The following CADPS2 variants were observed in gnomAD, a reference collection of about 807,000 sequenced individuals.
CADPS2 encodes calcium-dependent secretion activator 2.
CADPS2 carries 93 observed loss-of-function variants against 172.5 expected under a neutral mutation model. That is an observed-to-expected ratio of 0.54 (90% CI 0.46 to 0.64). CADPS2 has a LOEUF of 0.64. Among genes scored for constraint, CADPS2 ranks in the 30% least tolerant of loss-of-function variants. The probability of loss-of-function intolerance (pLI) is 0.00; values close to 1 mark genes in which losing one functional copy is unlikely to be tolerated. For synonymous variants in CADPS2, 546 were observed against 555.2 expected (o/e 0.98, Z 0.23); for missense variants, 1,420 against 1,565.9 (o/e 0.91, Z 1.57).
intron 2 of CADPS2, among the ~76,000 whole-genome samples, chr7:122,708,862 T>G (rs1373787963): frequency 6.6e-6 from 1 of 151,798 alleles, no homozygotes; most frequent in Non-Finnish European, 1.5e-5. Context: ...AAATTCACAT[T>G]GTAGTCTTTG....
intron 6 of CADPS2, among the ~76,000 whole-genome samples, chr7:122,596,098 T>G (rs2071728174): frequency 6.6e-6 from 1 of 152,118 alleles, no homozygotes; most frequent in South Asian, 2.1e-4. Flanking sequence ...TGCTGGTTCC[T>G]GTGAGCACTA....
At chr7:122,474,003 C>G (rs754215860) in intron 13 of CADPS2, among the ~76,000 whole-genome samples, 3 of 152,164 alleles carry the variant, frequency 2.0e-5, no homozygotes, top group Non-Finnish European at 2.9e-5. Flanking sequence ...GTGTCAACAT[C>G]TGGGGAACAG....
At chr7:122,390,558 A>G (rs905355792) in intron 22 of CADPS2, among the ~76,000 whole-genome samples, 4 of 152,130 alleles carry the variant, frequency 2.6e-5, no homozygotes, top group African/African-American at 9.7e-5. Context: ...TAAAGGCAGA[A>G]TTCTACTAAA....
intron 25 of CADPS2, among the ~76,000 whole-genome samples, chr7:122,373,808 T>C (rs2042038791): frequency 6.6e-6 from 1 of 151,936 alleles, no homozygotes; most frequent in Non-Finnish European, 1.5e-5. Flanking sequence ...AGAAGTGAAT[T>C]CCACCAAACA....
chr7:122,633,934 C>A (rs1218873529), intron 3 of CADPS2, among the ~76,000 whole-genome samples: 1 of 152,108 alleles, frequency 6.6e-6, no homozygotes, highest in Non-Finnish European at 1.5e-5. Context: ...TTTTCTGCAT[C>A]TATTGAGATT....
intron 14 of CADPS2, among the ~76,000 whole-genome samples, chr7:122,461,517 TA>T (rs1269062844): frequency 6.6e-6 from 1 of 152,164 alleles, no homozygotes; most frequent in Non-Finnish European, 1.5e-5. Flanking sequence ...AATCTTTTTT[TA>T]AAAAAAGCAT....
At chr7:122,696,406 A>G (rs553246594) in intron 2 of CADPS2, among the ~76,000 whole-genome samples, 23 of 152,346 alleles carry the variant, frequency 1.5e-4, no homozygotes, top group African/African-American at 5.3e-4. Context: ...GCCTTTGTGT[A>G]CCAAGCAAGG....
At chr7:122,555,640 TATC>T (rs2064943020) in intron 7 of CADPS2, among the ~76,000 whole-genome samples, 2 of 152,056 alleles carry the variant, frequency 1.3e-5, no homozygotes, top group Non-Finnish European at 2.9e-5. Flanking sequence ...TATTGAAACA[TATC>T]TTCTTGTGCA....
At chr7:122,882,742 C>T (rs1366965772) in intron 1 of CADPS2, among the ~76,000 whole-genome samples, 1 of 151,796 alleles carries the variant, frequency 6.6e-6, no homozygotes, top group Non-Finnish European at 1.5e-5. Context: ...CTGACTCTAC[C>T]TTTAACTGAA....
intron 2 of CADPS2, among the ~76,000 whole-genome samples, chr7:122,720,574 A>C (rs565175163): frequency 6.6e-6 from 1 of 150,644 alleles, no homozygotes; most frequent in East Asian, 2.0e-4. Context: ...CTGTATATAC[A>C]TACACATGTA....
chr7:122,364,743 C>G (rs1278135939), intron 25 of CADPS2, among the ~76,000 whole-genome samples: 1 of 147,798 alleles, frequency 6.8e-6, no homozygotes, highest in Admixed American at 6.7e-5. Context: ...AAAAAAAGAG[C>G]CCAATAAGTG....
intron 8 of CADPS2, among the ~76,000 whole-genome samples, chr7:122,537,522 GA>G (rs991389186): frequency 6.6e-5 from 10 of 151,152 alleles, no homozygotes; most frequent in East Asian, 5.8e-4. Flanking sequence ...AAAAGAATTA[GA>G]AAAAAAACTT....
intron 9 of CADPS2, among the ~76,000 whole-genome samples, chr7:122,507,965 T>C (rs1029035660): frequency 2.6e-5 from 4 of 152,160 alleles, no homozygotes; most frequent in South Asian, 4.1e-4. Flanking sequence ...TTACAGAAGT[T>C]TGGGAAGTAA....
intron 2 of CADPS2, among the ~76,000 whole-genome samples, chr7:122,701,238 C>A (rs924251642): frequency 2.6e-5 from 4 of 152,164 alleles, no homozygotes; most frequent in South Asian, 2.1e-4. Context: ...GGCACATATA[C>A]ACCATGGAAT....
At chr7:122,792,533 T>G (rs1457055585) in intron 1 of CADPS2, among the ~76,000 whole-genome samples, 1 of 152,142 alleles carries the variant, frequency 6.6e-6, no homozygotes, top group Non-Finnish European at 1.5e-5. Context: ...GCTACCCAGT[T>G]TATGGTATCT....
chr7:122,707,953 T>C (rs1206008309), intron 2 of CADPS2, among the ~76,000 whole-genome samples: 1 of 151,768 alleles, frequency 6.6e-6, no homozygotes, highest in Non-Finnish European at 1.5e-5. Context: ...TCTATATATA[T>C]ATTTTAAGTA....
chr7:122,701,903 G>A (rs754492403), intron 2 of CADPS2: 2 of 1,613,448 alleles, frequency 1.2e-6, no homozygotes, highest in South Asian at 1.1e-5. Flanking sequence ...GTCAATGCAT[G>A]CCTTATGGAA....
At chr7:122,698,830 T>C in intron 2 of CADPS2, 1 of 1,613,750 alleles carries the variant, frequency 6.2e-7, no homozygotes, top group East Asian at 2.2e-5. Context: ...TCTGCAACAG[T>C]TCTGACTAAC....
At chr7:122,736,023 G>T (rs2092125634) in intron 2 of CADPS2, among the ~76,000 whole-genome samples, 1 of 152,096 alleles carries the variant, frequency 6.6e-6, no homozygotes, top group Admixed American at 6.6e-5. Flanking sequence ...CTTGACATTA[G>T]ATTTATGTTA....
Sources: gnomAD v4.1 joint callset for allele counts (sites outside exome capture counted in the v4.1 genomes callset) on GRCh38, gnomAD v4.1.1 for gene constraint, MANE v1.5 for transcripts, NCBI Gene and HGNC (gene_info 2026-07-23, HGNC 2026-07-21) for gene names.